Variants in PFKM observed in about 807,000 individuals in gnomAD.
The protein encoded by PFKM is ATP-dependent 6-phosphofructokinase, muscle type.
A neutral mutation model predicts 95.5 loss-of-function variants in PFKM; 58 were observed. That is an observed-to-expected ratio of 0.61 (90% CI 0.49 to 0.76). The LOEUF is 0.76. Among genes scored for constraint, PFKM ranks in the 30% least tolerant of loss-of-function variants. PFKM has a pLI of 0.00. For synonymous variants in PFKM, 336 were observed against 357.2 expected (o/e 0.94, Z 0.67); for missense variants, 678 against 1,005.4 (o/e 0.67, Z 4.40).
intron 4 of PFKM, chr12:48,132,220 A>G (rs1272396008): frequency 2.7e-6 from 1 of 367,442 alleles, no homozygotes; most frequent in African/African-American, 2.1e-5. Context: ...AGGTAAGTAT[A>G]CTTTCTCTCA....
chr12:48,133,863 G>T (rs1197078093), intron 6 of PFKM, among the ~76,000 whole-genome samples: 1 of 152,124 alleles, frequency 6.6e-6, no homozygotes, highest in African/African-American at 2.4e-5. Flanking sequence ...AAGGGGACCT[G>T]GGGGGAGGCA....
intron 1 of PFKM, chr12:48,122,512 T>C (rs544140766): frequency 3.5e-5 from 40 of 1,154,614 alleles, no homozygotes; most frequent in African/African-American, 1.6e-4. Flanking sequence ...TAGGTTCCAA[T>C]TGGGGTGGGA....
intron 9 of PFKM, 100 bp downstream of exon 9, chr12:48,135,138 C>A: frequency 8.9e-7 from 1 of 1,120,918 alleles, no homozygotes; most frequent in Non-Finnish European, 1.4e-6. Context: ...TCCTTCTGCA[C>A]ATCTCTCCCT....
At chr12:48,138,793 G>A (rs1028241867) in intron 11 of PFKM, among the ~76,000 whole-genome samples, 8 of 152,154 alleles carry the variant, frequency 5.3e-5, no homozygotes, top group African/African-American at 1.9e-4. Context: ...GGTGGCTCAC[G>A]CCTATAATCC....
chr12:48,108,282 C>A lies in PFKM; in HGVS notation c.205+88C>A. On this transcript the variant is annotated intron_variant, in intron 3 of 24. Coordinates refer to the PFKM transcript ENST00000340802. ...GCATAGTATTATAAATCAGCGTAGA[C>A]CTACTAAAGCTGAAATATAAGACCC... The A allele has an allele frequency of 3.3e-6, 4 of 1,199,120 alleles. No individual in the cohort carries two copies. In the South Asian group the frequency reaches 5.4e-5, roughly 16 times the overall value. 74.3% of individuals were successfully genotyped at this position (1,199,120 alleles called of 1,614,324 possible).
Position 48,145,938 on chromosome 12 carries a change from G to A in PFKM, c.*230G>A. 1 of 567,672 alleles carries A rather than the reference G, an allele frequency of 1.8e-6. No homozygotes were observed. 35.2% of individuals were successfully genotyped at this position (567,672 alleles called of 1,614,324 possible). On this transcript the variant is annotated 3_prime_UTR_variant, in exon 23 of 23. Transcript: ENST00000359794. The surrounding 1 kb of genome is among the most constrained non-coding windows in gnomAD (Gnocchi z 4.3). ...GCCCCAGCTTTATCTGTCACACAAGGCTGGGCACCTCTAGTGCTACTGCTA... is the reference window on the plus strand; with the variant it reads ...GCCCCAGCTTTATCTGTCACACAAGACTGGGCACCTCTAGTGCTACTGCTA...
chr12:48,105,599 G>A (rs983746090), upstream of PFKM: 5 of 462,894 alleles, frequency 1.1e-5, no homozygotes, highest in African/African-American at 2.0e-5. Flanking sequence ...GGGTCTCAAG[G>A]AAGGCGGGAG....
rs1417495291 is a variant in PFKM, at chr12:48,146,194, C to T, written c.*486C>T. On this transcript the variant is annotated 3_prime_UTR_variant, in exon 23 of 23. Coordinates refer to ENST00000359794, the MANE Select transcript of PFKM (RefSeq NM_000289.6). ...CACTTGTCTGATGAAGCAGTAAAGACGTTAAGGGTATCACAGGGGGTGGAG... is the reference window on the plus strand; with the variant it reads ...CACTTGTCTGATGAAGCAGTAAAGATGTTAAGGGTATCACAGGGGGTGGAG... 1.1e-5 allele frequency: 2 copies of T among 187,614 alleles called. No individual in the cohort carries two copies. The highest frequency in any genetic ancestry group is 2.3e-5 in the Non-Finnish European group (2 of 88,248). 11.6% of individuals were successfully genotyped at this position (187,614 alleles called of 1,614,324 possible).
At chr12:48,117,027 C>T (rs1383135142), upstream of PFKM, among the ~76,000 whole-genome samples, 1 of 152,168 alleles carries the variant, frequency 6.6e-6, no homozygotes, top group African/African-American at 2.4e-5. Flanking sequence ...ATTAATCTCT[C>T]CTTCTCTATC....
intron 1 of PFKM, among the ~76,000 whole-genome samples, chr12:48,121,937 C>T (rs11168417): frequency 0.24 from 36,533 of 152,088 alleles, 6,221 homozygotes; most frequent in African/African-American, 0.48. Context: ...TACAAAAATA[C>T]GTCCTCTTGT....
Position 48,141,798 on chromosome 12 carries a change from C to T in PFKM, c.1471C>T (p.Gln491Ter), listed in dbSNP as rs1399694963. The T allele has an allele frequency of 1.9e-6, 3 of 1,613,902 alleles. No homozygotes were observed. Among genetic ancestry groups the T allele is most frequent in the Non-Finnish European group, 2.5e-6 (3 of 1,179,808 alleles). The stretch of plus-strand genomic sequence containing the variant: ...TGCCAATATAACTAAGTTTAACATT[C>T]AGGGCCTTGTCATCATTGGGGGCTT... Reference protein sequence around the residue: ...ISANITKFNIQGLVIIGGFEA... With the variant: ...ISANITKFNI Residue 491 changes from glutamine (Q) to a stop codon, truncating the protein, a stop_gained, in exon 16 of 23, where the codon CAG becomes TAG. Coordinates refer to ENST00000359794, the MANE Select transcript of PFKM (RefSeq NM_000289.6). LOFTEE classifies it high-confidence loss of function.
intron 3 of PFKM, among the ~76,000 whole-genome samples, chr12:48,113,264 G>A (rs866691865): frequency 3.3e-5 from 5 of 152,320 alleles, no homozygotes; most frequent in African/African-American, 1.2e-4. Flanking sequence ...CCTTTGAAAA[G>A]AAGGTAATGT....
chr12:48,125,612 ACT>A (rs1948752885), intron 2 of PFKM: 1 of 128,232 alleles, frequency 7.8e-6, no homozygotes, highest in Admixed American at 8.4e-5. Flanking sequence ...CAAGAGTGAA[ACT>A]CTGTCTCAAA....
chr12:48,109,871 T>C (rs1947032202), intron 3 of PFKM, among the ~76,000 whole-genome samples: 1 of 152,190 alleles, frequency 6.6e-6, no homozygotes. Flanking sequence ...TCTTCCTCCT[T>C]CTTTGACTTC....
At chr12:48,125,309 G>T (rs1180044912) in intron 2 of PFKM, 2 of 449,150 alleles carry the variant, frequency 4.5e-6, no homozygotes, top group South Asian at 1.6e-5. Flanking sequence ...TTATCTTTTT[G>T]ATTTTTTTTT....
rs775936867 is a variant in PFKM at position 48,139,355 on chromosome 12, G to T, written c.1127+6G>T. On this transcript the variant is annotated splice_donor_region_variant and intron_variant, in intron 12 of 22. Transcript: ENST00000359794. Reference sequence around the variant, plus strand: ...GCCCTGAAGCTGAGAGGCCGGTGAGGAGATGACGGGAAGCTCACTAGCTAC... The same window carrying T: ...GCCCTGAAGCTGAGAGGCCGGTGAGTAGATGACGGGAAGCTCACTAGCTAC... 9.9e-6 allele frequency: 16 copies of T among 1,610,224 alleles called. No homozygotes were observed. In the Admixed American group the frequency reaches 1.7e-4, roughly 17 times the overall value.
At chr12:48,116,300 T>C (rs777016703), upstream of PFKM, among the ~76,000 whole-genome samples, 7 of 151,244 alleles carry the variant, frequency 4.6e-5, no homozygotes. Context: ...TTCCTTCCTT[T>C]CTTTTTTTCT....
At position 48,145,117 on chromosome 12, in the gene PFKM, G is replaced by C. The variant is rs1004493357; in HGVS notation, c.2079G>C (p.Glu693Asp). The change falls in exon 21 of 23, where the codon GAG becomes GAC. Residue 693 changes from glutamate to aspartate, a missense_variant. Physicochemically the swap from Glu to Asp is conservative, Grantham distance 45 (BLOSUM62 2). Transcript: ENST00000359794. The surrounding 1 kb of genome is among the most constrained non-coding windows in gnomAD (Gnocchi z 4.3). ...ACTGGATGTCTGGGAAAATCAAAGA[G>C]AGTTACCGTAATGGTAGGTGGGGTG... Reference protein sequence around the residue: ...AMNWMSGKIKESYRNGRIFAN... With the variant: ...AMNWMSGKIKDSYRNGRIFAN... 3.7e-6 allele frequency: 6 copies of C among 1,613,928 alleles called. No individual in the cohort carries two copies. Among genetic ancestry groups the C allele is most frequent in the Non-Finnish European group, 5.1e-6 (6 of 1,179,892 alleles).
chr12:48,138,284 T>C (rs1378813480), intron 11 of PFKM, among the ~76,000 whole-genome samples: 1 of 152,136 alleles, frequency 6.6e-6, no homozygotes, highest in African/African-American at 2.4e-5. Flanking sequence ...AATGCTAACG[T>C]TGAGGGTTAT....
Sources: allele counts gnomAD v4.1 joint callset (sites outside exome capture counted in the v4.1 genomes callset), GRCh38; gene constraint gnomAD v4.1.1; non-coding constraint Gnocchi (gnomAD v3.1); transcripts MANE v1.5; gene names NCBI Gene and HGNC (gene_info 2026-07-23, HGNC 2026-07-21).